Variants in SNRK observed in about 807,000 individuals in gnomAD.
SNRK encodes SNF-related serine/threonine-protein kinase.
SNRK carries 3 observed loss-of-function variants against 48.2 expected under a neutral mutation model. That is an observed-to-expected ratio of 0.06 (90% CI 0.03 to 0.16). The LOEUF (loss-of-function observed/expected upper bound fraction) is 0.16. SNRK is among the 10% of genes least tolerant of loss of function. SNRK has a pLI of 1.00. For missense variants in SNRK, 627 were observed against 976.0 expected (o/e 0.64, Z 4.76); for synonymous variants, 376 against 366.1 (o/e 1.03, Z -0.31).
At chr3:43,305,605 C>T (rs1181715879) in intron 3 of SNRK, among the ~76,000 whole-genome samples, 1 of 151,632 alleles carries the variant, frequency 6.6e-6, no homozygotes, top group African/African-American at 2.4e-5. Context: ...GCCTCAGCCT[C>T]CCGAGTAGCT....
intron 4 of SNRK, among the ~76,000 whole-genome samples, chr3:43,338,457 T>C (rs1396895333): frequency 6.6e-6 from 1 of 152,264 alleles, no homozygotes; most frequent in East Asian, 1.9e-4. Flanking sequence ...GTCCATCTTA[T>C]CATCTTCTTG....
chr3:43,303,813 A>T lies in SNRK; in HGVS notation c.589+21A>T, dbSNP rs757130629. On this transcript the variant is annotated intron_variant, in intron 3 of 6. Coordinates refer to ENST00000296088, the MANE Select transcript of SNRK (RefSeq NM_017719.5). The surrounding 1 kb of genome is among the most constrained non-coding windows in gnomAD (Gnocchi z 6.2). ...AGTAGGTAGGTAACCTCGGTCCAGT[A>T]TTTGGCCATTTGAATTCTGCCAGCT... The T allele has an allele frequency of 6.6e-7, 1 of 1,508,316 alleles. No individual in the cohort carries two copies. Among genetic ancestry groups the T allele is most frequent in the Non-Finnish European group, 9.1e-7 (1 of 1,095,926 alleles). The allele number at this position is 1,508,316 out of a possible 1,614,324, so 93.4% of individuals were successfully genotyped here.
At chr3:43,340,218 T>G (rs1207633952) in intron 4 of SNRK, 69 bp from the exon 5 acceptor site, 1 of 1,206,110 alleles carries the variant, frequency 8.3e-7, no homozygotes, top group Non-Finnish European at 1.2e-6. Flanking sequence ...TTTTTGTTAA[T>G]AAAATGATCC....
At chr3:43,324,902 G>A (rs2091083411) in intron 3 of SNRK, among the ~76,000 whole-genome samples, 1 of 152,178 alleles carries the variant, frequency 6.6e-6, no homozygotes, top group South Asian at 2.1e-4. Flanking sequence ...CTCAAATGAG[G>A]AAGTTAGTTT....
intron 4 of SNRK, chr3:43,333,407 C>G (rs538188075): frequency 7.2e-6 from 1 of 139,648 alleles, no homozygotes; most frequent in South Asian, 2.5e-4. Context: ...TATTGAAACT[C>G]TGGATTCAAA....
At chr3:43,324,216 T>C (rs2091076760) in intron 3 of SNRK, among the ~76,000 whole-genome samples, 1 of 152,212 alleles carries the variant, frequency 6.6e-6, no homozygotes, top group Non-Finnish European at 1.5e-5. Flanking sequence ...CTAATAAATC[T>C]TACTGGCGTT....
At chr3:43,338,962 T>C (rs2091212069) in intron 4 of SNRK, among the ~76,000 whole-genome samples, 1 of 152,232 alleles carries the variant, frequency 6.6e-6, no homozygotes, top group African/African-American at 2.4e-5. Context: ...AATTTCAGTA[T>C]CTGAAGTATT....
chr3:43,324,382 G>T (rs2091079012), intron 3 of SNRK, among the ~76,000 whole-genome samples: 1 of 152,132 alleles, frequency 6.6e-6, no homozygotes, highest in South Asian at 2.1e-4. Context: ...GGTGGCACAT[G>T]CCTGTGGTTC....
chr3:43,311,630 A>C (rs1307270194), intron 3 of SNRK, among the ~76,000 whole-genome samples: 2 of 152,156 alleles, frequency 1.3e-5, no homozygotes, highest in Non-Finnish European at 2.9e-5. Context: ...GTACACCTGG[A>C]GAGCTCATTG....
intron 1 of SNRK, among the ~76,000 whole-genome samples, chr3:43,289,204 C>T (rs2090790231): frequency 6.6e-6 from 1 of 152,118 alleles, no homozygotes; most frequent in Admixed American, 6.5e-5. Context: ...GGAAATGCTT[C>T]ACAGAGGAGG....
intron 4 of SNRK, among the ~76,000 whole-genome samples, chr3:43,339,463 G>T (rs960882699): frequency 2.6e-5 from 4 of 152,116 alleles, no homozygotes; most frequent in African/African-American, 9.7e-5. Flanking sequence ...ATTTTTAGTT[G>T]CTGAGTGTTA....
chr3:43,308,101 C>T (rs1559461931), intron 3 of SNRK, among the ~76,000 whole-genome samples: 2 of 152,312 alleles, frequency 1.3e-5, no homozygotes, highest in South Asian at 2.1e-4. Flanking sequence ...GGCCCTAACT[C>T]TCTTCAGTTC....
At chr3:43,306,979 A>G (rs1405709032) in intron 3 of SNRK, among the ~76,000 whole-genome samples, 4 of 152,218 alleles carry the variant, frequency 2.6e-5, no homozygotes, top group South Asian at 4.1e-4. Context: ...AATTCATACC[A>G]TGGTGACTGT....
intron 5 of SNRK, among the ~76,000 whole-genome samples, chr3:43,341,708 G>C (rs969927016): frequency 3.3e-5 from 5 of 152,210 alleles, no homozygotes. Flanking sequence ...CCAGTTCCCT[G>C]ACTTCGGGGA....
rs1473967207 is a variant in SNRK at position 43,350,346 on chromosome 3, AC to A, written c.*1790del. ...ATAGTGAGCGTAACATCTGTATTAAACATAGGAGAGAAGTTTATAAAGGGCA... is the reference window on the plus strand; with the variant it reads ...ATAGTGAGCGTAACATCTGTATTAAAATAGGAGAGAAGTTTATAAAGGGCA... On this transcript the variant is annotated 3_prime_UTR_variant, in exon 7 of 7. Transcript: ENST00000296088. 1 of 152,674 alleles carries A rather than the reference AC, an allele frequency of 6.5e-6. No individual in the cohort carries two copies. The highest frequency in any genetic ancestry group is 6.5e-5 in the Admixed American group (1 of 15,288). The allele number at this position is 152,674 out of a possible 1,614,324, so 9.5% of individuals were successfully genotyped here.
intron 3 of SNRK, among the ~76,000 whole-genome samples, chr3:43,319,045 G>C (rs937127332): frequency 1.4e-5 from 2 of 147,808 alleles, no homozygotes; most frequent in Non-Finnish European, 3.0e-5. Context: ...AAAAAAAAAA[G>C]AATCAGTTTG....
chr3:43,341,078 C>T (rs989594967), intron 5 of SNRK, among the ~76,000 whole-genome samples: 1 of 152,162 alleles, frequency 6.6e-6, no homozygotes, highest in Non-Finnish European at 1.5e-5. Flanking sequence ...GCCCCTGCTG[C>T]AGCCACCTGG....
chr3:43,303,359 G>C lies in SNRK; in HGVS notation c.156G>C (p.Leu52=), dbSNP rs773014380. Residue 52 remains leucine (L), a synonymous_variant, in exon 3 of 7, where the codon CTG becomes CTC. Coordinates refer to ENST00000296088, the MANE Select transcript of SNRK (RefSeq NM_017719.5). The surrounding 1 kb of genome is among the most constrained non-coding windows in gnomAD (Gnocchi z 6.2). ...TAAAAGTTATTGACAAGACAAAACTGGACACTCTAGCTACTGGTCATCTTT... is the reference window on the plus strand; with the variant it reads ...TAAAAGTTATTGACAAGACAAAACTCGACACTCTAGCTACTGGTCATCTTT... ...VAVKVIDKTK[L]DTLATGHLFQ... 11 of 1,614,116 alleles carry C rather than the reference G, an allele frequency of 6.8e-6. No individual in the cohort carries two copies. The highest frequency in any genetic ancestry group is 1.7e-5 in the Admixed American group (1 of 60,008).
At chr3:43,313,664 CACAAATAAAT>C (rs1256970179) in intron 3 of SNRK, among the ~76,000 whole-genome samples, 1 of 152,130 alleles carries the variant, frequency 6.6e-6, no homozygotes, top group Non-Finnish European at 1.5e-5. Flanking sequence ...AAACTACATA[CACAAATAAAT>C]ACATGTGAAA....
Sources: gnomAD v4.1 joint callset for allele counts (sites outside exome capture counted in the v4.1 genomes callset) on GRCh38, gnomAD v4.1.1 for gene constraint, Gnocchi (gnomAD v3.1) non-coding constraint, MANE v1.5 for transcripts, NCBI Gene and HGNC (gene_info 2026-07-23, HGNC 2026-07-21) for gene names.